C12orf42: variants seen among roughly 807,000 people sequenced by gnomAD.
C12orf42 encodes the protein uncharacterized protein C12orf42.
Under a neutral mutation model 21.6 loss-of-function variants are expected in C12orf42, and 25 were observed. The ratio of observed to expected loss-of-function variants is 1.16; its 90% CI spans 0.84 to 1.62. C12orf42 has a LOEUF of 1.62. Among genes scored for constraint, C12orf42 ranks in the 40% most tolerant of loss-of-function variants. The pLI is 0.00. For synonymous variants in C12orf42, 174 were observed against 175.0 expected, an observed-to-expected ratio of 0.99 and a Z score of 0.05; for missense variants, 483 against 459.3, an observed-to-expected ratio of 1.05 and a Z score of -0.47.
chr12:103,364,550 T>G (rs1302411004), intron 4 of C12orf42, among the ~76,000 whole-genome samples: 1 of 151,504 alleles, frequency 6.6e-6, no homozygotes, highest in Non-Finnish European at 1.5e-5. Flanking sequence ...GAACAAAAAG[T>G]GTGTTCTTTG....
chr12:103,273,610 A>C (rs184470738), intron 5 of C12orf42, among the ~76,000 whole-genome samples: 63 of 152,292 alleles, frequency 4.1e-4, no homozygotes, highest in African/African-American at 1.5e-3. Context: ...AATTTCTAAT[A>C]CCATGTCAAC....
At position 103,344,262 on chromosome 12, in the gene C12orf42, C is replaced by A. The variant is rs116735010; in HGVS notation, c.259+24625G>T. On this transcript the variant is annotated intron_variant, in intron 4 of 5. Coordinates refer to ENST00000548883, the MANE Select transcript of C12orf42 (RefSeq NM_198521.5). ...AAGATGAAAATTAATCTAATTCAAA[C>A]TTCCCGGAGCTGTGTTCTCATGGTG... Among the ~76,000 whole-genome samples, 466 of 152,310 alleles carry A rather than the reference C, an allele frequency of 3.1e-3. 3 individuals carry two copies. The highest frequency in any genetic ancestry group is 0.011 in the African/African-American group (442 of 41,576).
At chr12:103,498,831 T>G (rs184181221), upstream of C12orf42, among the ~76,000 whole-genome samples, 1 of 116,044 alleles carries the variant, frequency 8.6e-6, no homozygotes, top group Non-Finnish European at 1.6e-5. Flanking sequence ...TGAGAATACA[T>G]GGACACAGGG....
chr12:103,385,777 A>T (rs570538671), intron 3 of C12orf42, among the ~76,000 whole-genome samples: 106 of 152,324 alleles, frequency 7.0e-4, no homozygotes, highest in African/African-American at 2.4e-3. Flanking sequence ...CATACTTGTA[A>T]GGAGAATGGT....
chr12:103,294,428 G>GAGAAAGAAAGAAAGAAAGAA (rs58968326), intron 4 of C12orf42, among the ~76,000 whole-genome samples: 297 of 96,046 alleles, frequency 3.1e-3, no homozygotes, highest in African/African-American at 3.2e-3. Flanking sequence ...AAAGGAGAGA[G>GAGAAAGAAAGAAAGAAAGAA]AGAAAGAAAG....
At chr12:103,481,062 G>A (rs1954435853) in intron 1 of C12orf42, among the ~76,000 whole-genome samples, 1 of 151,420 alleles carries the variant, frequency 6.6e-6, no homozygotes, top group South Asian at 2.1e-4. Context: ...TTTATAATTA[G>A]CTGCATTAAA....
At chr12:103,142,672 A>G in the C12orf42 span, among the ~76,000 whole-genome samples, 3 of 152,160 alleles carry the variant, frequency 2.0e-5, no homozygotes, top group Non-Finnish European at 2.9e-5. Flanking sequence ...ATCAGACAGG[A>G]AAAGGAAATG....
chr12:103,128,063 A>G, the C12orf42 span, among the ~76,000 whole-genome samples: 1 of 152,158 alleles, frequency 6.6e-6, no homozygotes, highest in Non-Finnish European at 1.5e-5. Flanking sequence ...CACTTAAGAT[A>G]ATTGTAATTC....
At chr12:103,189,417 C>T in the C12orf42 span, among the ~76,000 whole-genome samples, 5 of 152,180 alleles carry the variant, frequency 3.3e-5, no homozygotes, top group African/African-American at 1.2e-4. Flanking sequence ...GAAATGTGAG[C>T]TGATTTAACA....
chr12:103,237,002 A>G (rs969311666), downstream of C12orf42, among the ~76,000 whole-genome samples: 1 of 152,316 alleles, frequency 6.6e-6, no homozygotes, highest in Middle Eastern at 3.4e-3. Context: ...CGCTCTGCAA[A>G]AGGTGCATTA....
intron 2 of C12orf42, among the ~76,000 whole-genome samples, chr12:103,419,915 C>CA (rs1343347483): frequency 6.6e-6 from 1 of 151,996 alleles, no homozygotes; most frequent in Non-Finnish European, 1.5e-5. Context: ...TTTTCTATAA[C>CA]AAAAAAATTC....
chr12:103,191,755 A>G, the C12orf42 span, among the ~76,000 whole-genome samples: 2 of 149,996 alleles, frequency 1.3e-5, no homozygotes, highest in African/African-American at 2.5e-5. Context: ...AAAAAAAAAA[A>G]AAAAAGAAAA....
chr12:103,167,316 T>C, the C12orf42 span, among the ~76,000 whole-genome samples: 1 of 152,216 alleles, frequency 6.6e-6, no homozygotes, highest in Non-Finnish European at 1.5e-5. Context: ...CATGCAGATA[T>C]TTGGCTTACT....
At chr12:103,331,202 C>A (rs1435874322) in intron 4 of C12orf42, among the ~76,000 whole-genome samples, 1 of 152,150 alleles carries the variant, frequency 6.6e-6, no homozygotes, top group Non-Finnish European at 1.5e-5. Flanking sequence ...TTCCATTAGC[C>A]TACAGTTGGG....
chr12:103,303,979 G>C (rs1212072569), intron 5 of C12orf42, among the ~76,000 whole-genome samples: 1 of 152,138 alleles, frequency 6.6e-6, no homozygotes, highest in Non-Finnish European at 1.5e-5. Flanking sequence ...TGGAGCAACA[G>C]GGCATGACCT....
chr12:103,113,131 G>A, the C12orf42 span, among the ~76,000 whole-genome samples: 4 of 152,100 alleles, frequency 2.6e-5, no homozygotes, highest in Non-Finnish European at 4.4e-5. Flanking sequence ...AAAACTTGTG[G>A]AGATGGTGAA....
the C12orf42 span, among the ~76,000 whole-genome samples, chr12:103,226,225 G>A: frequency 5.9e-5 from 9 of 152,320 alleles, no homozygotes; most frequent in East Asian, 1.7e-3. Context: ...TGCTGGAGAT[G>A]TGGCTGGGGT....
At chr12:103,361,090 T>C (rs1451561079) in intron 4 of C12orf42, among the ~76,000 whole-genome samples, 1 of 152,108 alleles carries the variant, frequency 6.6e-6, no homozygotes. Flanking sequence ...TCATGAACTT[T>C]TACTCCAGAG....
chr12:103,079,654 C>T, the C12orf42 span, among the ~76,000 whole-genome samples: 1 of 152,176 alleles, frequency 6.6e-6, no homozygotes, highest in Admixed American at 6.6e-5. Context: ...TTTAAACAAT[C>T]ACATTTATTT....
Sources: allele counts gnomAD v4.1 joint callset (sites outside exome capture counted in the v4.1 genomes callset), GRCh38; gene constraint gnomAD v4.1.1; transcripts MANE v1.5; gene names NCBI Gene and HGNC (gene_info 2026-07-23, HGNC 2026-07-21).